Variants in CNTN3 observed in about 807,000 individuals in gnomAD.
CNTN3 encodes the protein contactin-3.
In CNTN3, 60 loss-of-function variants were observed where a neutral mutation model predicts 119.1. The ratio of observed to expected loss-of-function variants is 0.50; its 90% CI spans 0.41 to 0.62. The LOEUF is 0.62. Ranked by LOEUF, CNTN3 falls within the 20% of genes least tolerant of loss-of-function variation. The pLI is 0.00. For missense variants in CNTN3, 1,101 were observed against 1,242.4 expected (o/e 0.89, Z 1.71); for synonymous variants, 450 against 438.7 (o/e 1.03, Z -0.32).
At chr3:74,517,740 T>C (rs1288136704) in intron 2 of CNTN3, among the ~76,000 whole-genome samples, 2 of 151,758 alleles carry the variant, frequency 1.3e-5, no homozygotes, top group Non-Finnish European at 2.9e-5. Flanking sequence ...TTTTGTAAGC[T>C]CTCCCACTTC....
chr3:74,462,572 T>A (rs920389839), intron 4 of CNTN3, among the ~76,000 whole-genome samples: 1 of 152,112 alleles, frequency 6.6e-6, no homozygotes, highest in South Asian at 2.1e-4. Flanking sequence ...TAAATCCCAC[T>A]GATGGATGCC....
intron 17 of CNTN3, among the ~76,000 whole-genome samples, chr3:74,299,259 G>A (rs854708): frequency 0.41 from 61,987 of 152,052 alleles, 15,226 homozygotes; most frequent in East Asian, 0.72. Flanking sequence ...TACTTGAGTC[G>A]TGTCAAAAAT....
At chr3:74,503,216 C>T (rs1372765529) in intron 2 of CNTN3, among the ~76,000 whole-genome samples, 1 of 152,094 alleles carries the variant, frequency 6.6e-6, no homozygotes. Context: ...TTCCATGAAG[C>T]CACACTGTTC....
At chr3:74,268,107 G>A (rs1184498014) in intron 20 of CNTN3, among the ~76,000 whole-genome samples, 3 of 152,072 alleles carry the variant, frequency 2.0e-5, no homozygotes, top group Admixed American at 2.0e-4. Context: ...AGTTAATGAG[G>A]ATTCCATTAG....
intron 13 of CNTN3, among the ~76,000 whole-genome samples, chr3:74,304,885 C>T (rs1444717011): frequency 6.6e-6 from 1 of 152,086 alleles, no homozygotes; most frequent in African/African-American, 2.4e-5. Context: ...AAGGAGAACA[C>T]AATTTGACAG....
At chr3:74,479,695 C>G (rs1702727742) in intron 4 of CNTN3, among the ~76,000 whole-genome samples, 1 of 151,834 alleles carries the variant, frequency 6.6e-6, no homozygotes, top group Admixed American at 6.6e-5. Context: ...GGGGTGGACA[C>G]AGCAGAGATT....
At position 74,576,486 on chromosome 3, in the gene CNTN3, C is replaced by T. The variant is rs558265226; in HGVS notation, c.-81+37905G>A. Among the ~76,000 whole-genome samples the T allele has an allele frequency of 3.3e-4, 50 of 152,118 alleles. 1 individual carries two copies. The South Asian group carries it at 1.0e-2, about 30-fold the overall frequency. On this transcript the variant is annotated intron_variant, in intron 1 of 22. Coordinates refer to ENST00000263665, the MANE Select transcript of CNTN3 (RefSeq NM_020872.3). Reference sequence around the variant, plus strand: ...CAGAGAAAAAAAAATAATTCTTAACCTGGACACAAGCAAGGAAGAAAAAAT... The same window carrying T: ...CAGAGAAAAAAAAATAATTCTTAACTTGGACACAAGCAAGGAAGAAAAAAT...
intron 1 of CNTN3, among the ~76,000 whole-genome samples, chr3:74,537,431 T>TA (rs1406803275): frequency 6.6e-6 from 1 of 152,140 alleles, no homozygotes; most frequent in African/African-American, 2.4e-5. Context: ...TTTGTATTTT[T>TA]AAAAAACTTT....
intron 1 of CNTN3, among the ~76,000 whole-genome samples, chr3:74,603,226 G>A (rs759982460): frequency 6.6e-6 from 1 of 152,142 alleles, no homozygotes; most frequent in Non-Finnish European, 1.5e-5. Flanking sequence ...CTACTCAGAG[G>A]AAGCACAACC....
At chr3:74,483,143 C>T (rs1575769755) in intron 4 of CNTN3, among the ~76,000 whole-genome samples, 1 of 151,946 alleles carries the variant, frequency 6.6e-6, no homozygotes. Context: ...TTTCACTGTA[C>T]AGCAACACAG....
At chr3:74,607,118 T>C (rs1705005698) in intron 1 of CNTN3, among the ~76,000 whole-genome samples, 1 of 152,234 alleles carries the variant, frequency 6.6e-6, no homozygotes, top group South Asian at 2.1e-4. Context: ...GCCTCGTATA[T>C]GCAAATGTGA....
chr3:74,605,286 T>C (rs984471050), intron 1 of CNTN3, among the ~76,000 whole-genome samples: 5 of 152,076 alleles, frequency 3.3e-5, no homozygotes, highest in African/African-American at 1.2e-4. Context: ...GAATAGATTT[T>C]AAGCTTTTTC....
rs1038581325 is a variant in CNTN3 at position 74,441,821 on chromosome 3, C to T, written c.359-16881G>A. 5.9e-5 allele frequency among the ~76,000 whole-genome samples: 9 copies of T among 152,164 alleles called. No individual in the cohort carries two copies. The South Asian group carries it at 1.9e-3, about 32-fold the overall frequency. On this transcript the variant is annotated intron_variant, in intron 4 of 22. Coordinates refer to ENST00000263665, the MANE Select transcript of CNTN3 (RefSeq NM_020872.3). ...ACTCCATCAATCCTATGTATAAAAT[C>T]GCTGCCTATAAAATAAATTATCTTT...
chr3:74,610,531 G>C (rs796570615), intron 1 of CNTN3, among the ~76,000 whole-genome samples: 2 of 152,050 alleles, frequency 1.3e-5, no homozygotes, highest in South Asian at 4.1e-4. Flanking sequence ...ATTGTCAAAG[G>C]GACAGTAGTG....
chr3:74,449,746 C>T (rs978352415), intron 4 of CNTN3, among the ~76,000 whole-genome samples: 2 of 152,084 alleles, frequency 1.3e-5, no homozygotes, highest in Admixed American at 1.3e-4. Context: ...TTACCAAAAG[C>T]CACTTGGCAT....
intron 5 of CNTN3, among the ~76,000 whole-genome samples, chr3:74,416,883 G>T (rs1284189980): frequency 6.6e-6 from 1 of 151,996 alleles, no homozygotes; most frequent in Non-Finnish European, 1.5e-5. Flanking sequence ...AGCTACTCGG[G>T]AGGTTGAGGC....
At chr3:74,291,205 C>G (rs534098479) in intron 19 of CNTN3, among the ~76,000 whole-genome samples, 1 of 152,146 alleles carries the variant, frequency 6.6e-6, no homozygotes, top group East Asian at 1.9e-4. Context: ...CCAGCTTCAT[C>G]CATGTCCCTA....
intron 4 of CNTN3, among the ~76,000 whole-genome samples, chr3:74,442,290 C>T (rs1192087922): frequency 1.3e-5 from 2 of 152,070 alleles, no homozygotes; most frequent in Non-Finnish European, 2.9e-5. Flanking sequence ...CAGTATCTTT[C>T]TCTTTTTCTA....
intron 5 of CNTN3, among the ~76,000 whole-genome samples, chr3:74,405,127 A>T (rs954802027): frequency 2.0e-5 from 3 of 152,090 alleles, no homozygotes; most frequent in African/African-American, 7.2e-5. Context: ...TCTTATCCTT[A>T]CACTAAAAAT....
Sources: allele counts gnomAD v4.1 joint callset (sites outside exome capture counted in the v4.1 genomes callset), GRCh38; gene constraint gnomAD v4.1.1; transcripts MANE v1.5; gene names NCBI Gene and HGNC (gene_info 2026-07-23, HGNC 2026-07-21).